PALLD: variants seen among roughly 807,000 people sequenced by gnomAD.
The protein encoded by PALLD is palladin, cytoskeletal associated protein.
PALLD carries 61 observed loss-of-function variants against 123.5 expected under a neutral mutation model. The observed-to-expected ratio is 0.49, with a 90% CI of 0.40 to 0.61. PALLD has a LOEUF of 0.61. Among genes scored for constraint, PALLD ranks in the 20% least tolerant of loss-of-function variants. PALLD has a pLI of 0.00. For missense variants in PALLD, 1,273 were observed against 1,377.0 expected (o/e 0.92, Z 1.20); for synonymous variants, 465 against 496.4 (o/e 0.94, Z 0.84).
intron 10 of PALLD, among the ~76,000 whole-genome samples, chr4:168,760,748 C>T (rs1374417567): frequency 6.6e-6 from 1 of 152,192 alleles, no homozygotes; most frequent in Non-Finnish European, 1.5e-5. Context: ...CTAAGGGAAA[C>T]CAAGAAAAGA....
intron 8 of PALLD, among the ~76,000 whole-genome samples, chr4:168,691,943 T>G (rs140904992): frequency 2.1e-3 from 324 of 152,264 alleles, no homozygotes; most frequent in African/African-American, 7.0e-3. Flanking sequence ...GAAATAGTGT[T>G]TGTAAAGGAA....
chr4:168,687,822 G>A (rs1782228176), intron 6 of PALLD, among the ~76,000 whole-genome samples: 1 of 152,174 alleles, frequency 6.6e-6, no homozygotes, highest in Non-Finnish European at 1.5e-5. Context: ...TGTGCTAACA[G>A]CACAGCTTTA....
chr4:168,550,241 G>T (rs1348257563), intron 2 of PALLD, among the ~76,000 whole-genome samples: 1 of 151,906 alleles, frequency 6.6e-6, no homozygotes, highest in Non-Finnish European at 1.5e-5. Context: ...AGTTAAAAGG[G>T]ATGACTTTAC....
chr4:168,725,592 T>A (rs976039828), intron 10 of PALLD, among the ~76,000 whole-genome samples: 1 of 142,578 alleles, frequency 7.0e-6, no homozygotes, highest in Non-Finnish European at 1.5e-5. Context: ...AGTGGTGCGA[T>A]CTCTGCTCAC....
intron 10 of PALLD, among the ~76,000 whole-genome samples, chr4:168,805,351 G>C (rs1325256979): frequency 6.6e-6 from 1 of 152,060 alleles, no homozygotes; most frequent in African/African-American, 2.4e-5. Flanking sequence ...GGTAAGCTTT[G>C]CTTTAAGGGA....
intron 2 of PALLD, among the ~76,000 whole-genome samples, chr4:168,596,721 T>TA (rs56390001): frequency 0.077 from 10,280 of 132,786 alleles, 748 homozygotes; most frequent in African/African-American, 0.2. Context: ...TTGGCCTTGT[T>TA]AAAAAAAAAA....
chr4:168,830,001 G>A (rs1743967692), intron 10 of PALLD, among the ~76,000 whole-genome samples: 1 of 152,172 alleles, frequency 6.6e-6, no homozygotes, highest in South Asian at 2.1e-4. Flanking sequence ...GGAGGCCAAG[G>A]CAGGCGGATC....
chr4:168,635,034 A>G (rs1159993456), intron 2 of PALLD, among the ~76,000 whole-genome samples: 3 of 152,202 alleles, frequency 2.0e-5, no homozygotes, highest in Admixed American at 6.5e-5. Flanking sequence ...ATTGCCAGAG[A>G]AGAGACCCAA....
Position 168,746,988 on chromosome 4 carries a change from G to A in PALLD, c.1964+35065G>A, listed in dbSNP as rs556910659. Among the ~76,000 whole-genome samples the A allele has an allele frequency of 2.5e-4, 38 of 152,302 alleles. 1 individual carries two copies. The South Asian group carries it at 7.9e-3, about 32-fold the overall frequency. On this transcript the variant is annotated intron_variant, in intron 10 of 21. Coordinates refer to ENST00000505667, the MANE Select transcript of PALLD (RefSeq NM_001166108.2). ...CAGAGAAATTTATTCCTGAAAGACAGCGATAAAGTACCAGAGCTAAAATAG... is the reference window on the plus strand; with the variant it reads ...CAGAGAAATTTATTCCTGAAAGACAACGATAAAGTACCAGAGCTAAAATAG...
intron 10 of PALLD, among the ~76,000 whole-genome samples, chr4:168,797,157 A>C (rs1166192551): frequency 1.3e-5 from 2 of 152,164 alleles, no homozygotes; most frequent in Non-Finnish European, 2.9e-5. Context: ...TATCTCCTGA[A>C]AAATTACTTG....
intron 10 of PALLD, among the ~76,000 whole-genome samples, chr4:168,830,231 CAAAAAAA>C (rs1156711141): frequency 1.1e-4 from 8 of 73,238 alleles, no homozygotes; most frequent in East Asian, 9.2e-4. Flanking sequence ...GACTTTGTCT[CAAAAAAA>C]AAAAAAAAAA....
chr4:168,579,708 T>C (rs935012721), intron 2 of PALLD, among the ~76,000 whole-genome samples: 2 of 152,106 alleles, frequency 1.3e-5, no homozygotes, highest in African/African-American at 4.8e-5. Flanking sequence ...TATTTTAAAA[T>C]AAGTTCTTAT....
chr4:168,584,927 A>G (rs1770658354), intron 2 of PALLD, among the ~76,000 whole-genome samples: 1 of 152,224 alleles, frequency 6.6e-6, no homozygotes, highest in Admixed American at 6.5e-5. Context: ...ACATGAAGAA[A>G]CTACACATTT....
At chr4:168,623,945 C>T (rs981194583) in intron 2 of PALLD, among the ~76,000 whole-genome samples, 1 of 152,092 alleles carries the variant, frequency 6.6e-6, no homozygotes, top group Non-Finnish European at 1.5e-5. Flanking sequence ...TCGGAAAAGA[C>T]ATAACATAAT....
intron 2 of PALLD, among the ~76,000 whole-genome samples, chr4:168,632,228 C>T (rs942556579): frequency 6.6e-6 from 1 of 151,906 alleles, no homozygotes; most frequent in South Asian, 2.1e-4. Flanking sequence ...TTTAGAGAAG[C>T]TTCTCTTTCA....
intron 2 of PALLD, among the ~76,000 whole-genome samples, chr4:168,556,286 G>C (rs1238420657): frequency 1.3e-5 from 2 of 151,950 alleles, no homozygotes; most frequent in Non-Finnish European, 2.9e-5. Context: ...TAGTAGAAAC[G>C]GGGCTTCACC....
intron 2 of PALLD, among the ~76,000 whole-genome samples, chr4:168,612,853 A>T (rs1773870919): frequency 6.6e-6 from 1 of 152,140 alleles, no homozygotes; most frequent in African/African-American, 2.4e-5. Context: ...CTTAGAAGGG[A>T]GTGTGGAGGA....
intron 2 of PALLD, among the ~76,000 whole-genome samples, chr4:168,649,885 A>G (rs1777859000): frequency 6.6e-6 from 1 of 152,202 alleles, no homozygotes; most frequent in East Asian, 1.9e-4. Flanking sequence ...ATAAGTTTAA[A>G]ATATATAAAG....
chr4:168,850,803 A>C (rs935811475), intron 10 of PALLD, among the ~76,000 whole-genome samples: 9 of 151,992 alleles, frequency 5.9e-5, no homozygotes, highest in East Asian at 1.9e-4. Context: ...AAATGCTGGA[A>C]TTACAGGCAT....
Sources: allele counts gnomAD v4.1 joint callset (sites outside exome capture counted in the v4.1 genomes callset), GRCh38; gene constraint gnomAD v4.1.1; transcripts MANE v1.5; gene names NCBI Gene and HGNC (gene_info 2026-07-23, HGNC 2026-07-21).